Variants in IGSF21 observed in about 807,000 individuals in gnomAD.
IGSF21 encodes immunoglobin superfamily member 21, also known as immunoglobulin superfamily member 21.
In IGSF21, 28 loss-of-function variants were observed where a neutral mutation model predicts 46.8. That is an observed-to-expected ratio of 0.60 (90% confidence interval 0.44 to 0.82). The LOEUF (loss-of-function observed/expected upper bound fraction) is 0.82. Ranked by LOEUF, IGSF21 falls within the 40% of genes least tolerant of loss-of-function variation. The pLI is 0.00. For synonymous variants in IGSF21, 284 were observed against 273.6 expected, an observed-to-expected ratio of 1.04 and a Z score of -0.38; for missense variants, 624 against 665.5, an observed-to-expected ratio of 0.94 and a Z score of 0.69.
At chr1:18,302,454 C>T (rs761014661) in intron 3 of IGSF21, among the ~76,000 whole-genome samples, 6 of 152,216 alleles carry the variant, frequency 3.9e-5, no homozygotes, top group Non-Finnish European at 8.8e-5. Context: ...CTCTCCACCT[C>T]CTGTTACTGA....
rs2085343962 is a variant in IGSF21 at position 18,299,785 on chromosome 1, G to A, written c.305+7798G>A. 3.3e-5 allele frequency among the ~76,000 whole-genome samples: 5 copies of A among 152,332 alleles called. 1 individual carries two copies. In the South Asian group the frequency reaches 1.0e-3, roughly 32 times the overall value. ...TATTTTATTGTTTTTAACAGATTATGCCTCTTAGCATTAGAATTGAAAGCC... is the reference window on the plus strand; with the variant it reads ...TATTTTATTGTTTTTAACAGATTATACCTCTTAGCATTAGAATTGAAAGCC... On this transcript the variant is annotated intron_variant, in intron 3 of 9. Coordinates refer to ENST00000251296, the MANE Select transcript of IGSF21 (RefSeq NM_032880.5).
intron 2 of IGSF21, among the ~76,000 whole-genome samples, chr1:18,277,488 G>A (rs1569703329): frequency 6.6e-6 from 1 of 152,174 alleles, no homozygotes; most frequent in African/African-American, 2.4e-5. Flanking sequence ...GGGAACCCTT[G>A]TTGGATTGGA....
chr1:18,371,013 A>C (rs1007490990), intron 6 of IGSF21, among the ~76,000 whole-genome samples: 5 of 152,206 alleles, frequency 3.3e-5, no homozygotes, highest in African/African-American at 1.2e-4. Flanking sequence ...AAAAACTGGC[A>C]GTTTCTTACA....
At chr1:18,280,246 C>A (rs2085146065) in intron 2 of IGSF21, among the ~76,000 whole-genome samples, 1 of 152,132 alleles carries the variant, frequency 6.6e-6, no homozygotes, top group Admixed American at 6.5e-5. Flanking sequence ...GCCCCCCACA[C>A]CTGCCCTGTT....
At chr1:18,163,414 G>A (rs539932811) in intron 1 of IGSF21, among the ~76,000 whole-genome samples, 2 of 152,270 alleles carry the variant, frequency 1.3e-5, no homozygotes, top group Admixed American at 1.3e-4. Context: ...AGTTAGTGCA[G>A]GATGGGAGGA....
intron 1 of IGSF21, among the ~76,000 whole-genome samples, chr1:18,145,517 C>T (rs1197724177): frequency 2.0e-5 from 3 of 152,206 alleles, no homozygotes; most frequent in Non-Finnish European, 4.4e-5. Context: ...CCAACTGGCA[C>T]TGGGCCCTGG....
chr1:18,127,681 T>C (rs910950218), intron 1 of IGSF21, among the ~76,000 whole-genome samples: 2 of 152,144 alleles, frequency 1.3e-5, no homozygotes, highest in Admixed American at 6.5e-5. Flanking sequence ...GGTGGGCAGA[T>C]TGCTTGAACC....
chr1:18,361,658 C>T (rs2086102022), intron 4 of IGSF21: 1 of 155,798 alleles, frequency 6.4e-6, no homozygotes, highest in African/African-American at 2.4e-5. Context: ...GGCTGGGAAT[C>T]TCAGGACTTG....
intron 4 of IGSF21, among the ~76,000 whole-genome samples, chr1:18,338,401 C>A (rs1469106816): frequency 6.6e-6 from 1 of 152,144 alleles, no homozygotes; most frequent in African/African-American, 2.4e-5. Flanking sequence ...ACATTGGGGT[C>A]TCTTTTGTGC....
chr1:18,192,691 G>T (rs1415949315), intron 1 of IGSF21, among the ~76,000 whole-genome samples: 1 of 152,090 alleles, frequency 6.6e-6, no homozygotes, highest in Non-Finnish European at 1.5e-5. Flanking sequence ...GAAGGCCTGG[G>T]TTGGCATCGT....
At chr1:18,341,677 C>T (rs976709724) in intron 4 of IGSF21, among the ~76,000 whole-genome samples, 2 of 152,200 alleles carry the variant, frequency 1.3e-5, no homozygotes, top group African/African-American at 4.8e-5. Context: ...CCCTACATCA[C>T]CCAGCCAGTG....
intron 1 of IGSF21, among the ~76,000 whole-genome samples, chr1:18,195,503 A>G (rs1477772225): frequency 2.0e-5 from 3 of 152,180 alleles, no homozygotes; most frequent in Non-Finnish European, 4.4e-5. Flanking sequence ...AACCTAGCAC[A>G]GAGACCACCA....
At chr1:18,162,247 C>T (rs1200902513) in intron 1 of IGSF21, among the ~76,000 whole-genome samples, 1 of 152,132 alleles carries the variant, frequency 6.6e-6, no homozygotes, top group African/African-American at 2.4e-5. Context: ...AAGGTCTTGC[C>T]ATGTTTCCCA....
intron 1 of IGSF21, among the ~76,000 whole-genome samples, chr1:18,135,324 A>G (rs887781249): frequency 1.1e-4 from 17 of 152,046 alleles, no homozygotes; most frequent in Middle Eastern, 3.2e-3. Flanking sequence ...GGTTAGTTAC[A>G]TATGTATACA....
chr1:18,255,105 G>A (rs1205786683), intron 2 of IGSF21, among the ~76,000 whole-genome samples: 1 of 152,222 alleles, frequency 6.6e-6, no homozygotes, highest in Non-Finnish European at 1.5e-5. Context: ...CCCAGATCTG[G>A]TCTTCCAGTC....
chr1:18,231,961 G>GTGTGTGTGTGTGTGTGTGT (rs71018066), intron 2 of IGSF21, among the ~76,000 whole-genome samples: 5 of 148,134 alleles, frequency 3.4e-5, no homozygotes, highest in Non-Finnish European at 6.0e-5. Context: ...GTGTGTGTGT[G>GTGTGTGTGTGTGTGTGTGT]GTGAGGGAGG....
At chr1:18,133,565 A>G (rs1024185302) in intron 1 of IGSF21, among the ~76,000 whole-genome samples, 1 of 152,242 alleles carries the variant, frequency 6.6e-6, no homozygotes, top group African/African-American at 2.4e-5. Context: ...TGCCGCTTTC[A>G]GGTAATCTAC....
chr1:18,272,377 A>G (rs2085051347), intron 2 of IGSF21, among the ~76,000 whole-genome samples: 4 of 152,142 alleles, frequency 2.6e-5, no homozygotes, highest in African/African-American at 9.7e-5. Context: ...TCCTGGCTAC[A>G]TGATCTTGGG....
chr1:18,171,120 G>A (rs1004919571), intron 1 of IGSF21, among the ~76,000 whole-genome samples: 3 of 152,066 alleles, frequency 2.0e-5, no homozygotes, highest in Admixed American at 1.3e-4. Context: ...TCGGTGTCTT[G>A]TAGCATGCTG....
Sources: allele counts gnomAD v4.1 joint callset (sites outside exome capture counted in the v4.1 genomes callset), GRCh38; gene constraint gnomAD v4.1.1; transcripts MANE v1.5; gene names NCBI Gene and HGNC (gene_info 2026-07-23, HGNC 2026-07-21).